Variants in BICD2 observed in about 807,000 individuals in gnomAD.
The protein encoded by BICD2 is BICD cargo adaptor 2, also known as protein bicaudal D homolog 2.
A neutral mutation model predicts 72.9 loss-of-function variants in BICD2; 25 were observed. The observed-to-expected ratio is 0.34, with a 90% CI of 0.25 to 0.48. The LOEUF (loss-of-function observed/expected upper bound fraction) is 0.48, where lower values mean the gene tolerates loss of function less well. Among genes scored for constraint, BICD2 ranks in the 20% least tolerant of loss-of-function variants. The pLI is 0.99. For synonymous variants in BICD2, 501 were observed against 516.1 expected (o/e 0.97, Z 0.40); for missense variants, 894 against 1,175.2 (o/e 0.76, Z 3.50).
intron 2 of BICD2, among the ~76,000 whole-genome samples, chr9:92,728,619 A>G (rs1241387637): frequency 3.3e-5 from 5 of 152,350 alleles, no homozygotes; most frequent in South Asian, 2.1e-4. Context: ...ACAGCTGGGC[A>G]CAGTGCAGGC....
rs760887728 is a variant in BICD2, at chr9:92,715,237, CACAGGT to C, written c.2479_2484del (p.Thr827_Cys828del). On this transcript the variant is annotated inframe_deletion, in exon 7 of 7. Transcript: ENST00000356884. ...CCCTCGGCCCTGTCGCTGGCACAGGCACAGGTGTGACTTACGCTCGGTGTGGCTGGC... is the reference window on the plus strand; with the variant it reads ...CCCTCGGCCCTGTCGCTGGCACAGGCGTGACTTACGCTCGGTGTGGCTGGC... 1 of 1,613,344 alleles carries C rather than the reference CACAGGT, an allele frequency of 6.2e-7. No individual in the cohort carries two copies. The highest frequency in any genetic ancestry group is 8.5e-7 in the Non-Finnish European group (1 of 1,179,952).
At chr9:92,721,800 C>T (rs1373869368) in intron 3 of BICD2, among the ~76,000 whole-genome samples, 1 of 152,248 alleles carries the variant, frequency 6.6e-6, no homozygotes, top group Non-Finnish European at 1.5e-5. Context: ...GCTCTGCCAA[C>T]AGCAGCACCA....
At chr9:92,723,122 G>A (rs1402014281) in intron 2 of BICD2, among the ~76,000 whole-genome samples, 1 of 152,100 alleles carries the variant, frequency 6.6e-6, no homozygotes, top group Non-Finnish European at 1.5e-5. Context: ...TTCTATTATT[G>A]GGCATGTACA....
chr9:92,722,605 A>C, intron 3 of BICD2, 51 bp downstream of exon 3: 1 of 1,610,912 alleles, frequency 6.2e-7, no homozygotes, highest in Non-Finnish European at 8.5e-7. Context: ...AGAGGTCCTC[A>C]AGGCCCAGTT....
Position 92,713,803 on chromosome 9 carries a change from A to C in BICD2, c.*1351T>G, listed in dbSNP as rs12344752. The stretch of plus-strand genomic sequence containing the variant: ...GGGCGTGTCCTGGAGTCTGGAGGGG[A>C]CCGAAACATACTCGGCACCAAAGGG... On this transcript the variant is annotated 3_prime_UTR_variant, in exon 7 of 7. Coordinates refer to ENST00000356884, the MANE Select transcript of BICD2 (RefSeq NM_001003800.2). 13 of 1,145,544 alleles carry C rather than the reference A, an allele frequency of 1.1e-5. No individual in the cohort carries two copies. Among genetic ancestry groups the C allele is most frequent in the Non-Finnish European group, 1.4e-5 (13 of 924,866 alleles). The allele number at this position is 1,145,544 out of a possible 1,614,324, so 71.0% of individuals were successfully genotyped here.
intron 1 of BICD2, among the ~76,000 whole-genome samples, chr9:92,742,109 T>C (rs1853908317): frequency 6.6e-6 from 1 of 152,224 alleles, no homozygotes; most frequent in African/African-American, 2.4e-5. Flanking sequence ...GTAAGATTCC[T>C]TGAGTTGTCA....
intron 1 of BICD2, among the ~76,000 whole-genome samples, chr9:92,748,783 G>A (rs951756037): frequency 1.3e-5 from 2 of 151,984 alleles, no homozygotes; most frequent in African/African-American, 4.8e-5. Context: ...GGGCCCCCAG[G>A]AGCGGACAGA....
chr9:92,732,605 G>A (rs1005595057), intron 1 of BICD2, among the ~76,000 whole-genome samples: 2 of 152,154 alleles, frequency 1.3e-5, no homozygotes, highest in Admixed American at 6.5e-5. Flanking sequence ...CTCAAGAGGA[G>A]CAAAGATAAA....
At chr9:92,727,246 C>G (rs1429675901) in intron 2 of BICD2, among the ~76,000 whole-genome samples, 1 of 152,216 alleles carries the variant, frequency 6.6e-6, no homozygotes, top group African/African-American at 2.4e-5. Context: ...GCTAAGCCAA[C>G]AGCAGCAGCC....
Position 92,729,035 on chromosome 9 carries a change from C to A in BICD2, c.442G>T (p.Glu148Ter). Residue 148 changes from glutamate to a stop codon, truncating the protein, a stop_gained, in exon 2 of 7, where the codon GAG becomes TAG. Transcript: ENST00000356884. LOFTEE classifies it high-confidence loss of function. ...CCTCACCCCCTCACCTCCTTCAGCT[C>A]CTGGGCCACAGAGGCCAGGCGCTCA... ...ENERLASVAQELKEINQNVEI... is the reference protein window; with the variant it reads ...ENERLASVAQ 1 of 1,614,104 alleles carries A rather than the reference C, an allele frequency of 6.2e-7. No individual in the cohort carries two copies. Among genetic ancestry groups the A allele is most frequent in the Non-Finnish European group, 8.5e-7 (1 of 1,179,980 alleles).
At chr9:92,732,388 G>A (rs1853695606) in intron 1 of BICD2, among the ~76,000 whole-genome samples, 1 of 152,026 alleles carries the variant, frequency 6.6e-6, no homozygotes, top group Non-Finnish European at 1.5e-5. Context: ...AGAAAAAGGG[G>A]AAAATAGAAA....
At position 92,719,281 on chromosome 9, in the gene BICD2, G is replaced by A; in HGVS notation, c.1364C>T (p.Ala455Val). The A allele has an allele frequency of 6.2e-7, 1 of 1,613,852 alleles. No individual in the cohort carries two copies. Among genetic ancestry groups the A allele is most frequent in the Non-Finnish European group, 8.5e-7 (1 of 1,180,038 alleles). ...ACGAGCCTCGTGCGTGCTGCGCAGTGCCTTGAGCTGCTCGCGGAGCTCGCC... is the reference window on the plus strand; with the variant it reads ...ACGAGCCTCGTGCGTGCTGCGCAGTACCTTGAGCTGCTCGCGGAGCTCGCC... ...EAGELREQLK[A>V]LRSTHEAREA... is the part of the protein sequence containing the mutation. The change falls in exon 5 of 7, where the codon GCA (alanine) becomes GTA (valine). Residue 455 changes from alanine (A) to valine (V), a missense_variant. Transcript: ENST00000356884.
At chr9:92,721,080 C>T (rs1294948933) in intron 3 of BICD2, among the ~76,000 whole-genome samples, 3 of 152,190 alleles carry the variant, frequency 2.0e-5, no homozygotes, top group Admixed American at 2.0e-4. Context: ...CAGGACTGTA[C>T]GTGTGGAGAT....
chr9:92,713,627 G>A lies in BICD2; in HGVS notation c.*1527C>T. 6.6e-7 allele frequency: 1 copy of A among 1,504,694 alleles called. No homozygotes were observed. Among genetic ancestry groups the A allele is most frequent in the Non-Finnish European group, 8.9e-7 (1 of 1,121,206 alleles). 93.2% of individuals were successfully genotyped at this position (1,504,694 alleles called of 1,614,324 possible). ...TCCCAGTGGCTTGGGTGTCTGCAAA[G>A]TCCCTTAGGAGTATGGAGAGAAGCT... On this transcript the variant is annotated 3_prime_UTR_variant, in exon 7 of 7. Transcript: ENST00000356884.
intron 1 of BICD2, among the ~76,000 whole-genome samples, chr9:92,738,376 G>A (rs1034986837): frequency 2.0e-5 from 3 of 152,296 alleles, no homozygotes; most frequent in African/African-American, 7.2e-5. Flanking sequence ...CCAAGGCTAG[G>A]TGCTGGTTCC....
At chr9:92,748,685 G>C (rs549741898) in intron 1 of BICD2, among the ~76,000 whole-genome samples, 1 of 152,208 alleles carries the variant, frequency 6.6e-6, no homozygotes, top group Admixed American at 6.5e-5. Context: ...GGGTGGGGAT[G>C]CTCCAGCATC....
chr9:92,744,052 C>T (rs529509334), intron 1 of BICD2, among the ~76,000 whole-genome samples: 1 of 152,164 alleles, frequency 6.6e-6, no homozygotes, highest in Admixed American at 6.5e-5. Flanking sequence ...AGAAGAAAGC[C>T]TGCCCTATGT....
At chr9:92,733,615 C>T (rs761118647) in intron 1 of BICD2, among the ~76,000 whole-genome samples, 7 of 151,804 alleles carry the variant, frequency 4.6e-5, no homozygotes, top group Non-Finnish European at 1.0e-4. Flanking sequence ...TCACATTATA[C>T]ACAAAAATTA....
Position 92,719,095 on chromosome 9 carries a change from T to C in BICD2, c.1550A>G (p.Gln517Arg). Residue 517 changes from glutamine to arginine, a missense_variant, in exon 5 of 7, where the codon CAG becomes CGG. Physicochemically the swap from Gln to Arg is conservative, Grantham distance 43. Coordinates refer to ENST00000356884, the MANE Select transcript of BICD2 (RefSeq NM_001003800.2). ...ATCCTGGGCCACACTCAGGCTGCCC[T>C]GTGTCTCGCCGGCGACGTCGCTCAC... ...KKVSDVAGET[Q>R]GSLSVAQDEL... 6.2e-7 allele frequency: 1 copy of C among 1,612,990 alleles called. No homozygotes were observed. The highest frequency in any genetic ancestry group is 8.5e-7 in the Non-Finnish European group (1 of 1,179,980).
Sources: allele counts gnomAD v4.1 joint callset (sites outside exome capture counted in the v4.1 genomes callset), GRCh38; gene constraint gnomAD v4.1.1; transcripts MANE v1.5; gene names NCBI Gene and HGNC (gene_info 2026-07-23, HGNC 2026-07-21).